Variants in PLEKHM3 observed in about 807,000 individuals in gnomAD.
The protein encoded by PLEKHM3 is pleckstrin homology domain containing M3.
A neutral mutation model predicts 81.8 loss-of-function variants in PLEKHM3; 45 were observed. The ratio of observed to expected loss-of-function variants is 0.55; its 90% CI spans 0.43 to 0.71. The LOEUF is 0.71. Ranked by LOEUF, PLEKHM3 falls within the 30% of genes least tolerant of loss-of-function variation. The pLI is 0.00. For missense variants in PLEKHM3, 788 were observed against 924.3 expected (o/e 0.85, Z 1.91); for synonymous variants, 352 against 356.4 (o/e 0.99, Z 0.14).
intron 5 of PLEKHM3, among the ~76,000 whole-genome samples, chr2:207,918,536 CAAACAAA>C (rs1689073436): frequency 6.8e-6 from 1 of 146,272 alleles, no homozygotes; most frequent in Middle Eastern, 3.4e-3. Flanking sequence ...AACAAACAAA[CAAACAAA>C]AAACAAACAA....
chr2:207,977,087 C>T lies in PLEKHM3; in HGVS notation c.1110G>A (p.Arg370=). The T allele has an allele frequency of 6.2e-7, 1 of 1,614,198 alleles. No individual in the cohort carries two copies. Among genetic ancestry groups the T allele is most frequent in the Non-Finnish European group, 8.5e-7 (1 of 1,180,030 alleles). ...QNILKSGTLY[R]LTVQNNWKAF... ...CCTTCCAGTTGTTTTGGACAGTCAG[C>T]CTGTAGAGAGTCCCTGATTTGAGGA... The change falls in exon 3 of 8, where the codon AGG becomes AGA. Residue 370 remains arginine, a synonymous_variant. Coordinates refer to ENST00000427836, the MANE Select transcript of PLEKHM3 (RefSeq NM_001080475.3).
At chr2:207,852,239 G>A (rs2092416820) in intron 7 of PLEKHM3, among the ~76,000 whole-genome samples, 1 of 152,136 alleles carries the variant, frequency 6.6e-6, no homozygotes, top group African/African-American at 2.4e-5. Flanking sequence ...GATGTATTTG[G>A]ATTCAGGTTT....
At chr2:207,895,670 C>T (rs1455314696) in intron 6 of PLEKHM3, among the ~76,000 whole-genome samples, 1 of 152,170 alleles carries the variant, frequency 6.6e-6, no homozygotes, top group African/African-American at 2.4e-5. Context: ...ACACAAATGC[C>T]AACTCACAGT....
intron 6 of PLEKHM3, among the ~76,000 whole-genome samples, chr2:207,877,912 T>C (rs1367399773): frequency 1.3e-5 from 2 of 152,126 alleles, no homozygotes; most frequent in Non-Finnish European, 2.9e-5. Context: ...ACTGACTGTT[T>C]GATATGTGCC....
chr2:207,850,583 T>C (rs1217190321), intron 7 of PLEKHM3, among the ~76,000 whole-genome samples: 1 of 152,230 alleles, frequency 6.6e-6, no homozygotes. Context: ...TCTCGAAGCA[T>C]TTCAAGGTTC....
chr2:207,983,617 C>A (rs1691618100), intron 2 of PLEKHM3, among the ~76,000 whole-genome samples: 1 of 152,024 alleles, frequency 6.6e-6, no homozygotes, highest in Non-Finnish European at 1.5e-5. Context: ...AACTATTTCT[C>A]CATTGCTTTC....
At chr2:207,845,775 A>C (rs1047802584) in intron 7 of PLEKHM3, among the ~76,000 whole-genome samples, 32 of 152,378 alleles carry the variant, frequency 2.1e-4, no homozygotes, top group African/African-American at 7.2e-4. Flanking sequence ...TTATTTATGG[A>C]GCAGTTACTA....
intron 7 of PLEKHM3, among the ~76,000 whole-genome samples, chr2:207,852,171 A>G (rs922670899): frequency 2.0e-5 from 3 of 152,188 alleles, no homozygotes; most frequent in African/African-American, 7.2e-5. Flanking sequence ...TGTTTTGAAG[A>G]CTACAGGTGC....
intron 1 of PLEKHM3, among the ~76,000 whole-genome samples, chr2:208,025,089 G>A (rs188896011): frequency 1.3e-3 from 192 of 152,242 alleles, no homozygotes; most frequent in Non-Finnish European, 2.2e-3. Context: ...ATCCCCAGGC[G>A]GGGATGGCAG....
At chr2:208,008,151 T>A (rs998450256) in intron 1 of PLEKHM3, among the ~76,000 whole-genome samples, 32 of 151,978 alleles carry the variant, frequency 2.1e-4, no homozygotes, top group African/African-American at 7.3e-4. Context: ...GGCAAGAGGA[T>A]CCCTTGAGCC....
chr2:208,003,226 C>T (rs1692373079), intron 1 of PLEKHM3, among the ~76,000 whole-genome samples: 1 of 152,328 alleles, frequency 6.6e-6, no homozygotes, highest in East Asian at 1.9e-4. Flanking sequence ...TGCCTTTCAC[C>T]TTCCACCATG....
rs570345433 is a variant in PLEKHM3, at chr2:208,009,353, CT to C, written c.-318-7397del. On this transcript the variant is annotated intron_variant, in intron 1 of 7. Coordinates refer to ENST00000427836, the MANE Select transcript of PLEKHM3 (RefSeq NM_001080475.3). Reference sequence around the variant, plus strand: ...GCTCAAATGCCACCTCTTCCGCAAGCTTTTTTGGGTCCCTGATCCTAAAATG... The same window carrying C: ...GCTCAAATGCCACCTCTTCCGCAAGCTTTTTGGGTCCCTGATCCTAAAATG... 1.3e-4 allele frequency among the ~76,000 whole-genome samples: 20 copies of C among 152,298 alleles called. 1 individual carries two copies. The South Asian group carries it at 3.7e-3, about 28-fold the overall frequency.
At chr2:207,860,997 G>T in intron 7 of PLEKHM3, 108 bp downstream of exon 7, 1 of 1,282,564 alleles carries the variant, frequency 7.8e-7, no homozygotes, top group South Asian at 1.5e-5. Flanking sequence ...CCTGATCCAG[G>T]GTAAGAGACA....
At chr2:207,964,308 A>C (rs1218209531) in intron 3 of PLEKHM3, among the ~76,000 whole-genome samples, 1 of 152,154 alleles carries the variant, frequency 6.6e-6, no homozygotes, top group African/African-American at 2.4e-5. Flanking sequence ...AATCCCAGAG[A>C]TTCTGATTTC....
chr2:207,827,479 C>A lies in PLEKHM3; in HGVS notation c.*840G>T. ...AAAAATCATAAATATCAACCATGGG[C>A]ACCCGTTGAAAACTGTTAAGAAAGC... On this transcript the variant is annotated 3_prime_UTR_variant, in exon 8 of 8. Transcript: ENST00000427836. The A allele has an allele frequency of 6.6e-6, 1 of 152,292 alleles. No homozygotes were observed. Among genetic ancestry groups the A allele is most frequent in the Non-Finnish European group, 1.5e-5 (1 of 68,042 alleles). The allele number at this position is 152,292 out of a possible 1,614,324, so 9.4% of individuals were successfully genotyped here.
intron 5 of PLEKHM3, among the ~76,000 whole-genome samples, chr2:207,912,548 G>A (rs1688842000): frequency 6.6e-6 from 1 of 152,122 alleles, no homozygotes; most frequent in South Asian, 2.1e-4. Flanking sequence ...ATTTAGTGGT[G>A]GCCATTACAA....
chr2:207,935,425 C>G (rs1430292131), intron 4 of PLEKHM3, among the ~76,000 whole-genome samples: 1 of 152,222 alleles, frequency 6.6e-6, no homozygotes, highest in Non-Finnish European at 1.5e-5. Context: ...GGGCGTCTTT[C>G]TCTACCTTGC....
At chr2:207,945,932 AAAAAC>A (rs1690111298) in intron 4 of PLEKHM3, among the ~76,000 whole-genome samples, 1 of 151,894 alleles carries the variant, frequency 6.6e-6, no homozygotes, top group African/African-American at 2.4e-5. Flanking sequence ...ACAAATGAAC[AAAAAC>A]AAAACAAAAC....
chr2:207,888,864 G>A lies in PLEKHM3; in HGVS notation c.1950+19650C>T, dbSNP rs559905138. Among the ~76,000 whole-genome samples, 105 of 152,300 alleles carry A rather than the reference G, an allele frequency of 6.9e-4. 1 individual carries two copies. In the South Asian group the frequency reaches 0.01, roughly 15 times the overall value. On this transcript the variant is annotated intron_variant, in intron 6 of 7. Transcript: ENST00000427836. The stretch of plus-strand genomic sequence containing the variant: ...CCAAAAAGAGCAGAATAAACTCAGG[G>A]GCAATGCTATAAACTCTTTTTCCCT...
Sources: allele counts gnomAD v4.1 joint callset (sites outside exome capture counted in the v4.1 genomes callset), GRCh38; gene constraint gnomAD v4.1.1; transcripts MANE v1.5; gene names NCBI Gene and HGNC (gene_info 2026-07-23, HGNC 2026-07-21).